The following HS3ST5 variants were observed in gnomAD, a reference collection of about 807,000 sequenced individuals.
The protein encoded by HS3ST5 is heparan sulfate-glucosamine 3-sulfotransferase 5, also known as heparan sulfate glucosamine 3-O-sulfotransferase 5.
HS3ST5 carries 10 observed loss-of-function variants against 25.4 expected under a neutral mutation model. The observed-to-expected ratio is 0.39, with a 90% CI of 0.24 to 0.67. The LOEUF (loss-of-function observed/expected upper bound fraction) is 0.67, where lower values mean the gene tolerates loss of function less well. Ranked by LOEUF, HS3ST5 falls within the 30% of genes least tolerant of loss-of-function variation. HS3ST5 has a pLI of 0.44. For synonymous variants in HS3ST5, 170 were observed against 162.4 expected (o/e 1.05, Z -0.36); for missense variants, 324 against 420.7 (o/e 0.77, Z 2.01).
At chr6:114,140,440 C>T (rs964991477) in intron 3 of HS3ST5, among the ~76,000 whole-genome samples, 7 of 152,026 alleles carry the variant, frequency 4.6e-5, no homozygotes, top group African/African-American at 1.7e-4. Context: ...GCCAAAATCA[C>T]GAAGATGTTG....
chr6:114,136,267 G>A (rs1054585953), intron 3 of HS3ST5, among the ~76,000 whole-genome samples: 2 of 152,108 alleles, frequency 1.3e-5, no homozygotes, highest in African/African-American at 4.8e-5. Flanking sequence ...TTAAATCATG[G>A]GGGCAGGTCT....
chr6:114,277,200 A>T (rs1773896395), intron 1 of HS3ST5, among the ~76,000 whole-genome samples: 1 of 150,622 alleles, frequency 6.6e-6, no homozygotes, highest in Non-Finnish European at 1.5e-5. Flanking sequence ...TAAGGATGAT[A>T]CATTATTAAA....
intron 3 of HS3ST5, among the ~76,000 whole-genome samples, chr6:114,128,984 G>C (rs1777192663): frequency 6.6e-6 from 1 of 152,038 alleles, no homozygotes; most frequent in African/African-American, 2.4e-5. Flanking sequence ...TCAAACTCCA[G>C]GAAAAGAAAA....
chr6:114,134,204 C>T (rs1777483494), intron 3 of HS3ST5, among the ~76,000 whole-genome samples: 1 of 152,146 alleles, frequency 6.6e-6, no homozygotes, highest in African/African-American at 2.4e-5. Flanking sequence ...TACTGTGTGC[C>T]AGGCACTATG....
At chr6:114,142,437 G>A (rs1582646472) in intron 3 of HS3ST5, among the ~76,000 whole-genome samples, 1 of 152,160 alleles carries the variant, frequency 6.6e-6, no homozygotes, top group African/African-American at 2.4e-5. Flanking sequence ...ATACGGTCAC[G>A]TGGCAGGCTC....
intron 1 of HS3ST5, among the ~76,000 whole-genome samples, chr6:114,302,096 G>A (rs1438767648): frequency 6.6e-6 from 1 of 152,134 alleles, no homozygotes; most frequent in Non-Finnish European, 1.5e-5. Flanking sequence ...GGTATTGAAT[G>A]TATTCTTGCC....
At chr6:114,125,742 C>T (rs982062841) in intron 3 of HS3ST5, among the ~76,000 whole-genome samples, 17 of 152,194 alleles carry the variant, frequency 1.1e-4, no homozygotes, top group South Asian at 6.2e-4. Context: ...CTGAAATCAT[C>T]GCACAGTGTC....
At chr6:114,237,720 A>T (rs1771924398) in intron 1 of HS3ST5, among the ~76,000 whole-genome samples, 1 of 152,212 alleles carries the variant, frequency 6.6e-6, no homozygotes, top group Admixed American at 6.5e-5. Flanking sequence ...TCCTTAACAG[A>T]CACACACAGA....
intron 2 of HS3ST5, among the ~76,000 whole-genome samples, chr6:114,198,077 A>C (rs1191330682): frequency 6.6e-6 from 1 of 152,100 alleles, no homozygotes; most frequent in Non-Finnish European, 1.5e-5. Context: ...TAACATAGCC[A>C]TATTAAGAAA....
At chr6:114,338,601 T>C (rs908391041) in intron 1 of HS3ST5, among the ~76,000 whole-genome samples, 1 of 152,054 alleles carries the variant, frequency 6.6e-6, no homozygotes, top group Non-Finnish European at 1.5e-5. Context: ...ATGTAATCTT[T>C]TACTCTACTT....
intron 3 of HS3ST5, among the ~76,000 whole-genome samples, chr6:114,167,006 G>C (rs980825676): frequency 1.3e-5 from 2 of 152,168 alleles, no homozygotes; most frequent in Non-Finnish European, 2.9e-5. Flanking sequence ...TTCTTCTTGA[G>C]ACAGGGTCTC....
chr6:114,110,553 G>A (rs911016495), intron 3 of HS3ST5, among the ~76,000 whole-genome samples: 4 of 152,186 alleles, frequency 2.6e-5, no homozygotes, highest in Non-Finnish European at 4.4e-5. Flanking sequence ...GCTTTGGAAT[G>A]GTGGTACTAA....
At chr6:114,334,224 G>A (rs1776518117) in intron 1 of HS3ST5, among the ~76,000 whole-genome samples, 1 of 152,194 alleles carries the variant, frequency 6.6e-6, no homozygotes, top group South Asian at 2.1e-4. Context: ...TTTCAAGGGT[G>A]CGAGGGGACC....
Position 114,323,585 on chromosome 6 carries a change from C to T in HS3ST5, c.-339+18610G>A, listed in dbSNP as rs567095193. 5.3e-5 allele frequency among the ~76,000 whole-genome samples: 8 copies of T among 152,104 alleles called. No homozygotes were observed. In the East Asian group the frequency reaches 1.5e-3, roughly 29 times the overall value. Reference sequence around the variant, plus strand: ...AATTTAATTTAAGCCGCAATTTCCTCATCTGTAAAAGTATAATGTGGAGGC... The same window carrying T: ...AATTTAATTTAAGCCGCAATTTCCTTATCTGTAAAAGTATAATGTGGAGGC... On this transcript the variant is annotated intron_variant, in intron 1 of 4. Transcript: ENST00000312719.
At chr6:114,126,106 G>A (rs945221819) in intron 3 of HS3ST5, among the ~76,000 whole-genome samples, 3 of 152,072 alleles carry the variant, frequency 2.0e-5, no homozygotes, top group Admixed American at 6.6e-5. Flanking sequence ...TCCTTAGGGC[G>A]CTCAGTAAGA....
chr6:114,236,930 G>C (rs1297547331), intron 1 of HS3ST5, among the ~76,000 whole-genome samples: 1 of 152,182 alleles, frequency 6.6e-6, no homozygotes, highest in Non-Finnish European at 1.5e-5. Flanking sequence ...TACATCTTCA[G>C]TACTGCCGAC....
At chr6:114,156,359 G>C (rs187587643) in intron 3 of HS3ST5, among the ~76,000 whole-genome samples, 2 of 152,274 alleles carry the variant, frequency 1.3e-5, no homozygotes, top group East Asian at 3.9e-4. Flanking sequence ...TTCTTCTAAA[G>C]AACGTTTGCA....
chr6:114,337,986 G>A (rs1776673437), intron 1 of HS3ST5, among the ~76,000 whole-genome samples: 6 of 151,922 alleles, frequency 3.9e-5, no homozygotes, highest in Admixed American at 3.9e-4. Context: ...CTGTAAAATG[G>A]GAAATGACAG....
chr6:114,209,412 C>T (rs963811895), intron 2 of HS3ST5, among the ~76,000 whole-genome samples: 2 of 150,640 alleles, frequency 1.3e-5, no homozygotes, highest in Non-Finnish European at 3.0e-5. Context: ...AGATTATTTT[C>T]CTCTGACCCA....
Sources: allele counts gnomAD v4.1 joint callset (sites outside exome capture counted in the v4.1 genomes callset), GRCh38; gene constraint gnomAD v4.1.1; transcripts MANE v1.5; gene names NCBI Gene and HGNC (gene_info 2026-07-23, HGNC 2026-07-21).